Variants in GALNT17 observed in about 807,000 individuals in gnomAD.
GALNT17 encodes the protein polypeptide N-acetylgalactosaminyltransferase 17, also known as UDP-GalNAc:polypeptide N-acetylgalactosaminyltransferase-like 3.
A neutral mutation model predicts 63.7 loss-of-function variants in GALNT17; 29 were observed. The ratio of observed to expected loss-of-function variants is 0.46; its 90% CI spans 0.34 to 0.62. GALNT17 has a LOEUF of 0.62. Ranked by LOEUF, GALNT17 falls within the 20% of genes least tolerant of loss-of-function variation. The probability of loss-of-function intolerance (pLI) is 0.01; values close to 1 mark genes in which losing one functional copy is unlikely to be tolerated. For synonymous variants in GALNT17, 305 were observed against 318.3 expected (o/e 0.96, Z 0.45); for missense variants, 603 against 799.6 (o/e 0.75, Z 2.97).
chr7:71,151,070 G>A (rs1400480863), intron 1 of GALNT17, among the ~76,000 whole-genome samples: 1 of 151,854 alleles, frequency 6.6e-6, no homozygotes, highest in East Asian at 1.9e-4. Context: ...GCTATCTCCT[G>A]TGTGGGACCA....
chr7:71,450,292 G>T (rs1039819083), intron 5 of GALNT17, among the ~76,000 whole-genome samples: 1 of 151,834 alleles, frequency 6.6e-6, no homozygotes, highest in East Asian at 2.0e-4. Flanking sequence ...GTGCCACAAG[G>T]TCTAGCTAAT....
At chr7:71,534,762 C>A (rs1788777281) in intron 5 of GALNT17, among the ~76,000 whole-genome samples, 1 of 152,128 alleles carries the variant, frequency 6.6e-6, no homozygotes, top group Non-Finnish European at 1.5e-5. Context: ...TGAGTGGGGA[C>A]ACAGCCAGAC....
intron 3 of GALNT17, among the ~76,000 whole-genome samples, chr7:71,396,548 G>A (rs936725800): frequency 1.3e-5 from 2 of 152,128 alleles, no homozygotes; most frequent in African/African-American, 4.8e-5. Context: ...AAAGTGGGAA[G>A]TGTGAGACCT....
At chr7:71,663,248 T>G (rs958283575) in intron 6 of GALNT17, among the ~76,000 whole-genome samples, 1 of 152,218 alleles carries the variant, frequency 6.6e-6, no homozygotes, top group Non-Finnish European at 1.5e-5. Flanking sequence ...GGGATTTTTA[T>G]AGGGATTGTG....
chr7:71,705,407 G>T (rs1406630256), intron 9 of GALNT17, among the ~76,000 whole-genome samples: 1 of 152,164 alleles, frequency 6.6e-6, no homozygotes, highest in Non-Finnish European at 1.5e-5. Flanking sequence ...CCGGTTCATT[G>T]CTGGTGGGAG....
intron 2 of GALNT17, among the ~76,000 whole-genome samples, chr7:71,368,785 G>C (rs973530667): frequency 6.6e-6 from 1 of 152,020 alleles, no homozygotes; most frequent in Non-Finnish European, 1.5e-5. Flanking sequence ...AGACATACTT[G>C]TTCTTCGGTG....
intron 5 of GALNT17, among the ~76,000 whole-genome samples, chr7:71,564,900 T>C (rs1789315284): frequency 1.3e-5 from 2 of 152,146 alleles, no homozygotes; most frequent in Non-Finnish European, 2.9e-5. Context: ...TCCGGGCAAG[T>C]CATGCTGCGA....
intron 9 of GALNT17, among the ~76,000 whole-genome samples, chr7:71,686,939 T>C (rs1274128183): frequency 6.6e-6 from 1 of 152,148 alleles, no homozygotes; most frequent in African/African-American, 2.4e-5. Flanking sequence ...AGCTACTGGC[T>C]GTAATGAGAT....
intron 5 of GALNT17, among the ~76,000 whole-genome samples, chr7:71,505,847 T>G (rs1788256981): frequency 6.6e-6 from 1 of 152,206 alleles, no homozygotes; most frequent in African/African-American, 2.4e-5. Flanking sequence ...AAGTAATTAC[T>G]TCTGCTTTTG....
rs992865232 is a variant in GALNT17, at chr7:71,487,310, A to C, written c.962+66205A>C. Reference sequence around the variant, plus strand: ...TTTTGCTAAGTTGTCTGGAGGAGGAAAAACATGGGTTTGTTCTTAATCCTT... The same window carrying C: ...TTTTGCTAAGTTGTCTGGAGGAGGACAAACATGGGTTTGTTCTTAATCCTT... On this transcript the variant is annotated intron_variant, in intron 5 of 10. Coordinates refer to ENST00000333538, the MANE Select transcript of GALNT17 (RefSeq NM_022479.3). Among the ~76,000 whole-genome samples, 133 of 152,288 alleles carry C rather than the reference A, an allele frequency of 8.7e-4. 1 individual carries two copies. The highest frequency in any genetic ancestry group is 3.5e-4 in the Non-Finnish European group (24 of 68,034).
At chr7:71,183,581 C>T (rs1176387073) in intron 1 of GALNT17, among the ~76,000 whole-genome samples, 2 of 152,236 alleles carry the variant, frequency 1.3e-5, no homozygotes, top group East Asian at 1.9e-4. Context: ...TGGAGATCCC[C>T]CGAGCCAGAA....
chr7:71,489,092 C>G (rs1004817550), intron 5 of GALNT17, among the ~76,000 whole-genome samples: 23 of 151,658 alleles, frequency 1.5e-4, no homozygotes, highest in Non-Finnish European at 2.6e-4. Flanking sequence ...CAGGGTTTCA[C>G]TATGTTGGTC....
intron 5 of GALNT17, among the ~76,000 whole-genome samples, chr7:71,516,502 A>T (rs1788447324): frequency 6.6e-6 from 1 of 152,132 alleles, no homozygotes. Context: ...TAAGGGATAG[A>T]GAAATAGCCC....
chr7:71,452,414 T>C (rs1209746705), intron 5 of GALNT17, among the ~76,000 whole-genome samples: 2 of 151,836 alleles, frequency 1.3e-5, no homozygotes, highest in Non-Finnish European at 2.9e-5. Flanking sequence ...GGCATGGTGG[T>C]GTGCACCTGT....
At position 71,166,540 on chromosome 7, in the gene GALNT17, G is replaced by A. The variant is rs536839060; in HGVS notation, c.238+33500G>A. On this transcript the variant is annotated intron_variant, in intron 1 of 10. Coordinates refer to ENST00000333538, the MANE Select transcript of GALNT17 (RefSeq NM_022479.3). ...ATCCCTCTTTACTGAGGCAACCACT[G>A]ATCTGCCTCCTGCCTCTACAGATAA... Among the ~76,000 whole-genome samples, 3 of 152,276 alleles carry A rather than the reference G, an allele frequency of 2.0e-5. No homozygotes were observed. The South Asian group carries it at 6.2e-4, about 32-fold the overall frequency.
intron 1 of GALNT17, among the ~76,000 whole-genome samples, chr7:71,248,128 A>C (rs1790133064): frequency 6.6e-6 from 1 of 152,192 alleles, no homozygotes; most frequent in Non-Finnish European, 1.5e-5. Flanking sequence ...GGAAACTTAC[A>C]ATCATGGTGG....
intron 5 of GALNT17, among the ~76,000 whole-genome samples, chr7:71,441,531 C>A (rs1023464986): frequency 1.3e-5 from 2 of 152,116 alleles, no homozygotes; most frequent in East Asian, 3.9e-4. Flanking sequence ...GGTTTGTTAA[C>A]ACAGGTATAC....
At position 71,132,938 on chromosome 7, in the gene GALNT17, G is replaced by A. The variant is rs746859541; in HGVS notation, c.136G>A (p.Ala46Thr). 6.8e-6 allele frequency: 11 copies of A among 1,610,714 alleles called. No homozygotes were observed. In the South Asian group the frequency reaches 1.1e-4, roughly 16 times the overall value. The change falls in exon 1 of 11, where the codon GCC (alanine) becomes ACC (threonine). Residue 46 changes from alanine (A) to threonine (T), a missense_variant. Ala to Thr is a moderately conservative substitution (Grantham distance 58). Around this residue, in one of 3 missense-constraint regions of GALNT17, gnomAD observed 195 missense variants for 215.0 expected, o/e 0.91. Transcript: ENST00000333538. Reference sequence around the variant, plus strand: ...CGCCTTCCACGAGATCCGGCCGCGCGCCGAGGTGGCCAACCTCAGCGCGCA... The same window carrying A: ...CGCCTTCCACGAGATCCGGCCGCGCACCGAGGTGGCCAACCTCAGCGCGCA... ...GDAFHEIRPR[A>T]EVANLSAHSA...
intron 6 of GALNT17, among the ~76,000 whole-genome samples, chr7:71,630,734 G>A (rs1436877003): frequency 6.6e-6 from 1 of 152,224 alleles, no homozygotes; most frequent in Non-Finnish European, 1.5e-5. Context: ...GCCAGAGACT[G>A]AATTCAGCAA....
Sources: gnomAD v4.1 joint callset for allele counts (sites outside exome capture counted in the v4.1 genomes callset) on GRCh38, gnomAD v4.1.1 for gene constraint, gnomAD v4.1.1 regional missense constraint, MANE v1.5 for transcripts, NCBI Gene and HGNC (gene_info 2026-07-23, HGNC 2026-07-21) for gene names.